The following MEF2C variants were observed in gnomAD, a reference collection of about 807,000 sequenced individuals.
MEF2C encodes the protein myocyte-specific enhancer factor 2C.
A neutral mutation model predicts 50.5 loss-of-function variants in MEF2C; 6 were observed. The observed-to-expected ratio is 0.12, with a 90% CI of 0.07 to 0.23. MEF2C has a LOEUF of 0.23. Among genes scored for constraint, MEF2C ranks in the 10% least tolerant of loss-of-function variants. MEF2C has a pLI of 1.00. For synonymous variants in MEF2C, 183 were observed against 228.0 expected, an observed-to-expected ratio of 0.80 and a Z score of 1.78; for missense variants, 276 against 605.0, an observed-to-expected ratio of 0.46 and a Z score of 5.70.
chr5:88,830,658 G>T (rs1812663614), intron 1 of MEF2C, among the ~76,000 whole-genome samples: 1 of 152,008 alleles, frequency 6.6e-6, no homozygotes, highest in African/African-American at 2.4e-5. Context: ...CCCTACCACA[G>T]CTTTTAGTCT....
chr5:88,733,622 T>C, intron 6 of MEF2C: 2 of 985,358 alleles, frequency 2.0e-6, no homozygotes, highest in Non-Finnish European at 2.4e-6. Flanking sequence ...AAGCAAAATA[T>C]ATTTGAGGCA....
chr5:88,799,809 T>C (rs150881479), intron 3 of MEF2C, among the ~76,000 whole-genome samples: 6 of 151,894 alleles, frequency 4.0e-5, no homozygotes, highest in African/African-American at 1.4e-4. Context: ...ATATAATCTC[T>C]CATCTCTCAT....
chr5:88,783,350 C>T lies in MEF2C; in HGVS notation c.258+21248G>A, dbSNP rs149307998. On this transcript the variant is annotated intron_variant, in intron 3 of 10. Transcript: ENST00000504921. ...TGGGATTAAGAAACAGAGAGTTGGC[C>T]GGGTGCAGTGGTTCACGCCTGTAAT... 2.8e-4 allele frequency among the ~76,000 whole-genome samples: 43 copies of T among 152,242 alleles called. 1 individual carries two copies. The highest frequency in any genetic ancestry group is 6.2e-4 in the South Asian group (3 of 4,820).
At chr5:88,826,795 G>A (rs974365388) in intron 1 of MEF2C, among the ~76,000 whole-genome samples, 2 of 151,624 alleles carry the variant, frequency 1.3e-5, no homozygotes, top group Admixed American at 6.6e-5. Context: ...CTTTCATTAC[G>A]TACAATCAAC....
At chr5:88,865,793 G>T (rs1252272590) in intron 1 of MEF2C, among the ~76,000 whole-genome samples, 1 of 152,158 alleles carries the variant, frequency 6.6e-6, no homozygotes, top group South Asian at 2.1e-4. Context: ...AAACTTCCCC[G>T]CCAGTGGGCA....
At chr5:88,801,286 G>A (rs1798204435) in intron 3 of MEF2C, among the ~76,000 whole-genome samples, 1 of 152,036 alleles carries the variant, frequency 6.6e-6, no homozygotes, top group African/African-American at 2.4e-5. Context: ...AACTTATTCA[G>A]TTAAATGTAT....
In MEF2C at chr5:88,761,069, A is replaced by G. The variant is rs201296342; in HGVS notation, c.402+116T>C. The G allele has an allele frequency of 6.2e-6, 10 of 1,614,000 alleles. No homozygotes were observed. The African/African-American group carries it at 9.3e-5, about 15-fold the overall frequency. On this transcript the variant is annotated intron_variant, in intron 4 of 10. Coordinates refer to ENST00000504921, the MANE Select transcript of MEF2C (RefSeq NM_002397.5). Reference sequence around the variant, plus strand: ...TTTCTTCAGTGCGTGGGGTGAGTGCATAAGAGGAGTCGGGATCGGGGCTTT... The same window carrying G: ...TTTCTTCAGTGCGTGGGGTGAGTGCGTAAGAGGAGTCGGGATCGGGGCTTT...
At chr5:88,751,547 C>T (rs965361325) in intron 5 of MEF2C, 21 of 984,640 alleles carry the variant, frequency 2.1e-5, no homozygotes, top group East Asian at 1.1e-4. Flanking sequence ...GCAGGGAGGA[C>T]GAGCAGAAGT....
In MEF2C at chr5:88,722,134, T is replaced by G; in HGVS notation, c.*470A>C. 1.9e-5 allele frequency: 3 copies of G among 156,932 alleles called. No individual in the cohort carries two copies. The highest frequency in any genetic ancestry group is 1.9e-4 in the South Asian group (1 of 5,194). 9.7% of individuals were successfully genotyped at this position (156,932 alleles called of 1,614,324 possible). ...TGGGATGTCAGGTGACCTGGTGTGT[T>G]CCTAACATTTACCAATGGCCACCCA... On this transcript the variant is annotated 3_prime_UTR_variant, in exon 11 of 11. Transcript: ENST00000504921.
rs190679000 is a variant in MEF2C at position 88,737,487 on chromosome 5, C to A, written c.638-5586G>T. ...GAAAAGTTGAAGTCTCTGATATTTT[C>A]TTCCACACTGACGAGTATTTGTTGC... On this transcript the variant is annotated intron_variant, in intron 6 of 10. Coordinates refer to ENST00000504921, the MANE Select transcript of MEF2C (RefSeq NM_002397.5). 22 of 985,426 alleles carry A rather than the reference C, an allele frequency of 2.2e-5. No individual in the cohort carries two copies. In the East Asian group the frequency reaches 2.2e-3, roughly 97 times the overall value. The allele number at this position is 985,426 out of a possible 1,614,324, so 61.0% of individuals were successfully genotyped here. A position where few individuals can be genotyped will look rare whatever the true frequency, so the allele number is the denominator to read the frequency against.
At chr5:88,857,370 A>C (rs575868890) in intron 1 of MEF2C, among the ~76,000 whole-genome samples, 1 of 152,284 alleles carries the variant, frequency 6.6e-6, no homozygotes, top group East Asian at 1.9e-4. Context: ...TGATAGGTGG[A>C]AGGGACTTGC....
intron 1 of MEF2C, among the ~76,000 whole-genome samples, chr5:88,835,017 A>G (rs1169148631): frequency 2.6e-5 from 4 of 152,202 alleles, no homozygotes; most frequent in Non-Finnish European, 4.4e-5. Flanking sequence ...ATAATGCAAA[A>G]TGTTTCTAAA....
In MEF2C at chr5:88,719,966, T is replaced by G. The variant is rs533496836; in HGVS notation, c.*2638A>C. On this transcript the variant is annotated 3_prime_UTR_variant, in exon 11 of 11. Coordinates refer to ENST00000504921, the MANE Select transcript of MEF2C (RefSeq NM_002397.5). ...TTTATCTTCAGCATTAAAAATTCACTTTTTCTTTGTTGCTGAGGCAAATTG... is the reference window on the plus strand; with the variant it reads ...TTTATCTTCAGCATTAAAAATTCACGTTTTCTTTGTTGCTGAGGCAAATTG... The G allele has an allele frequency of 6.6e-6, 1 of 152,220 alleles. No homozygotes were observed. The highest frequency in any genetic ancestry group is 2.4e-5 in the African/African-American group (1 of 41,470). The allele number at this position is 152,220 out of a possible 1,614,324, so 9.4% of individuals were successfully genotyped here.
chr5:88,787,429 G>C (rs564508813), intron 3 of MEF2C, among the ~76,000 whole-genome samples: 1 of 152,232 alleles, frequency 6.6e-6, no homozygotes, highest in South Asian at 2.1e-4. Context: ...AAGGAGCTCA[G>C]GGTAGACAGC....
chr5:88,804,969 T>G (rs1353634395), intron 2 of MEF2C, among the ~76,000 whole-genome samples, 168 bp from the exon 3 acceptor site: 1 of 152,238 alleles, frequency 6.6e-6, no homozygotes, highest in Non-Finnish European at 1.5e-5. Context: ...AATTTCTGCT[T>G]ATCATTTGAA....
chr5:88,889,858 C>T (rs931436902), intron 1 of MEF2C, among the ~76,000 whole-genome samples: 11 of 152,090 alleles, frequency 7.2e-5, no homozygotes, highest in African/African-American at 2.7e-4. Context: ...CAGAGCGACC[C>T]ACGAAAATAC....
At chr5:88,849,563 C>T (rs910992590) in intron 1 of MEF2C, among the ~76,000 whole-genome samples, 1 of 152,132 alleles carries the variant, frequency 6.6e-6, no homozygotes, top group African/African-American at 2.4e-5. Context: ...AACTTTGTAT[C>T]AATCACATTC....
intron 1 of MEF2C, chr5:88,878,023 T>C (rs1461284419): frequency 1.3e-5 from 2 of 152,046 alleles, no homozygotes; most frequent in South Asian, 4.1e-4. Context: ...TTTGCTTCCT[T>C]GAACGAAAGG....
At chr5:88,743,585 A>G in intron 6 of MEF2C, 1 of 980,232 alleles carries the variant, frequency 1.0e-6, no homozygotes, top group Non-Finnish European at 1.2e-6. Context: ...TTGCGTGTAA[A>G]TGGATTGTAA....
Sources: gnomAD v4.1 joint callset for allele counts (sites outside exome capture counted in the v4.1 genomes callset) on GRCh38, gnomAD v4.1.1 for gene constraint, MANE v1.5 for transcripts, NCBI Gene and HGNC (gene_info 2026-07-23, HGNC 2026-07-21) for gene names.